IL4R: variants seen among roughly 807,000 people sequenced by gnomAD.
The protein encoded by IL4R is interleukin 4 receptor, also known as interleukin-4 receptor subunit alpha.
Under a neutral mutation model 41.5 loss-of-function variants are expected in IL4R, and 17 were observed. That is an observed-to-expected ratio of 0.41 (90% confidence interval 0.28 to 0.61). The LOEUF is 0.61. IL4R is among the 20% of genes least tolerant of loss of function. The probability of loss-of-function intolerance (pLI) is 0.31; values close to 1 mark genes in which losing one functional copy is unlikely to be tolerated. For missense variants in IL4R, 974 were observed against 1,043.1 expected (o/e 0.93, Z 0.91); for synonymous variants, 402 against 422.9 (o/e 0.95, Z 0.61).
intron 1 of IL4R, among the ~76,000 whole-genome samples, chr16:27,327,620 C>A (rs971774562): frequency 6.6e-5 from 10 of 152,142 alleles, no homozygotes; most frequent in African/African-American, 1.9e-4. Flanking sequence ...GGACAAAGTT[C>A]CAGGGTTTTG....
chr16:27,317,130 C>T (rs541268862), intron 1 of IL4R, among the ~76,000 whole-genome samples: 83 of 152,264 alleles, frequency 5.5e-4, no homozygotes, highest in Non-Finnish European at 9.0e-4. Flanking sequence ...TCTTGAACTG[C>T]TGGTCTCAAG....
At chr16:27,315,986 A>T (rs540495185) in intron 1 of IL4R, among the ~76,000 whole-genome samples, 108 of 152,296 alleles carry the variant, frequency 7.1e-4, no homozygotes, top group African/African-American at 2.4e-3. Flanking sequence ...TTAATACAAT[A>T]CAATCCCGGT....
At chr16:27,346,352 G>A in intron 5 of IL4R, 115 bp from the exon 6 acceptor site, 1 of 845,264 alleles carries the variant, frequency 1.2e-6, no homozygotes, top group Admixed American at 2.1e-5. Flanking sequence ...AGTATGCTAT[G>A]GAGGTTTTGT....
intron 4 of IL4R, among the ~76,000 whole-genome samples, chr16:27,344,206 G>C (rs1054198424): frequency 3.3e-5 from 5 of 152,000 alleles, no homozygotes; most frequent in Non-Finnish European, 7.4e-5. Context: ...TAGGGAGGCT[G>C]AGGCGGGAGA....
intron 9 of IL4R, among the ~76,000 whole-genome samples, chr16:27,360,389 G>A (rs141598533): frequency 1.6e-4 from 25 of 152,330 alleles, no homozygotes; most frequent in South Asian, 4.1e-4. Flanking sequence ...GGCCGGCCCA[G>A]GCTTGTTTAC....
intron 6 of IL4R, among the ~76,000 whole-genome samples, chr16:27,348,910 GA>G (rs3024588): frequency 0.081 from 12,314 of 152,258 alleles, 577 homozygotes; most frequent in Middle Eastern, 0.11. Flanking sequence ...CGTGGCACCA[GA>G]TGCCAGTCAT....
chr16:27,317,049 G>A (rs769368092), intron 1 of IL4R, among the ~76,000 whole-genome samples: 2 of 152,058 alleles, frequency 1.3e-5, no homozygotes, highest in Non-Finnish European at 2.9e-5. Context: ...GACTACAGGT[G>A]TGTGCCACCA....
chr16:27,348,908 C>T (rs2085765479), intron 6 of IL4R, among the ~76,000 whole-genome samples: 1 of 150,660 alleles, frequency 6.6e-6, no homozygotes, highest in South Asian at 2.1e-4. Flanking sequence ...GACGTGGCAC[C>T]AGATGCCAGT....
intron 1 of IL4R, among the ~76,000 whole-genome samples, chr16:27,322,939 G>A (rs1442528614): frequency 6.6e-6 from 1 of 152,038 alleles, no homozygotes; most frequent in Non-Finnish European, 1.5e-5. Context: ...GTCTCCCACC[G>A]AGTCAGGTTG....
In IL4R at chr16:27,352,568, A is replaced by G. The variant is rs763634861; in HGVS notation, c.542A>G (p.Glu181Gly). ...AGAATCTATAACGTGACCTACCTAG[A>G]ACCCTCCCTCCGCATCGCAGCCAGC... is the stretch of plus-strand genomic sequence containing the variant. ...DFRIYNVTYL[E>G]PSLRIAASTL... The change falls in exon 7 of 11, where the codon GAA becomes GGA. Residue 181 changes from glutamate to glycine, a missense_variant. Around this residue, in one of 3 missense-constraint regions of IL4R, gnomAD observed 284 missense variants for 313.4 expected, o/e 0.91. Coordinates refer to ENST00000395762, the MANE Select transcript of IL4R (RefSeq NM_000418.4). 1.2e-6 allele frequency: 2 copies of G among 1,614,144 alleles called. No individual in the cohort carries two copies. Among genetic ancestry groups the G allele is most frequent in the East Asian group, 2.2e-5 (1 of 44,886 alleles).
chr16:27,347,793 AAC>A (rs1715196385), intron 6 of IL4R, among the ~76,000 whole-genome samples: 1 of 152,192 alleles, frequency 6.6e-6, no homozygotes, highest in African/African-American at 2.4e-5. Flanking sequence ...CATATCCCAT[AAC>A]CTCTTTGTGC....
At chr16:27,326,539 G>A (rs544068698) in intron 1 of IL4R, among the ~76,000 whole-genome samples, 2 of 152,252 alleles carry the variant, frequency 1.3e-5, no homozygotes, top group African/African-American at 4.8e-5. Flanking sequence ...GGTGGTGTGT[G>A]CCTGTAGTCA....
chr16:27,339,059 T>A (rs1393276350), intron 2 of IL4R, among the ~76,000 whole-genome samples: 1 of 152,076 alleles, frequency 6.6e-6, no homozygotes, highest in Non-Finnish European at 1.5e-5. Context: ...TTCTCCATGT[T>A]GGCCAGGCTG....
At position 27,352,536 on chromosome 16, in the gene IL4R, C is replaced by G. The variant is rs774579274; in HGVS notation, c.514-4C>G. On this transcript the variant is annotated splice_polypyrimidine_tract_variant and splice_region_variant and intron_variant, in intron 6 of 10. Transcript: ENST00000395762. ...TGCCCTAACATCTCCCTTTTCTCTA[C>G]CAGTTCAGAATCTATAACGTGACCT... 1.8e-5 allele frequency: 29 copies of G among 1,613,664 alleles called. No individual in the cohort carries two copies. Among genetic ancestry groups the G allele is most frequent in the Admixed American group, 3.3e-5 (2 of 59,996 alleles).
At chr16:27,352,811 G>A in intron 7 of IL4R, 115 bp downstream of exon 7, 2 of 1,068,620 alleles carry the variant, frequency 1.9e-6, no homozygotes, top group Non-Finnish European at 2.8e-6. Context: ...GCCTCTAATG[G>A]CAATCCTGCC....
chr16:27,347,239 G>A (rs1402834463), intron 6 of IL4R, among the ~76,000 whole-genome samples: 3 of 152,194 alleles, frequency 2.0e-5, no homozygotes, highest in African/African-American at 7.2e-5. Flanking sequence ...CACCCAGGGT[G>A]GAACACAGTG....
In IL4R at chr16:27,363,743, T is replaced by C; in HGVS notation, c.2391T>C (p.Pro797=). 1.5e-5 allele frequency: 24 copies of C among 1,613,442 alleles called. No homozygotes were observed. The highest frequency in any genetic ancestry group is 1.9e-5 in the Non-Finnish European group (23 of 1,180,030). ...EKSKSSSSFH[P]APGNAQSSSQ... Reference sequence around the variant, plus strand: ...GTAAATCCTCATCATCCTTCCATCCTGCCCCTGGCAATGCTCAGAGCTCAA... The same window carrying C: ...GTAAATCCTCATCATCCTTCCATCCCGCCCCTGGCAATGCTCAGAGCTCAA... The change falls in exon 11 of 11, where the codon CCT becomes CCC. Residue 797 remains proline (P), a synonymous_variant. Coordinates refer to ENST00000395762, the MANE Select transcript of IL4R (RefSeq NM_000418.4).
At chr16:27,351,076 G>A (rs777857052) in intron 6 of IL4R, among the ~76,000 whole-genome samples, 9 of 152,144 alleles carry the variant, frequency 5.9e-5, no homozygotes, top group Non-Finnish European at 1.2e-4. Flanking sequence ...TTAGAGTCTC[G>A]TGAGGCTATA....
At chr16:27,361,143 C>T (rs2086269474) in intron 10 of IL4R, 2 of 761,968 alleles carry the variant, frequency 2.6e-6, no homozygotes, top group Non-Finnish European at 3.5e-6. Flanking sequence ...GAACACTCCC[C>T]TCCTTTTTTT....
Sources: gnomAD v4.1 joint callset for allele counts (sites outside exome capture counted in the v4.1 genomes callset) on GRCh38, gnomAD v4.1.1 for gene constraint, gnomAD v4.1.1 regional missense constraint, MANE v1.5 for transcripts, NCBI Gene and HGNC (gene_info 2026-07-23, HGNC 2026-07-21) for gene names.